The following ERRFI1 variants were observed in gnomAD, a reference collection of about 807,000 sequenced individuals.
ERRFI1 encodes mitogen-inducible gene 6 protein.
ERRFI1 carries 12 observed loss-of-function variants against 14.6 expected under a neutral mutation model. That is an observed-to-expected ratio of 0.82 (90% CI 0.53 to 1.33). ERRFI1 has a LOEUF of 1.33. Among genes scored for constraint, ERRFI1 ranks in the 40% most tolerant of loss-of-function variants. ERRFI1 has a pLI of 0.00. For missense variants in ERRFI1, 482 were observed against 572.1 expected, an observed-to-expected ratio of 0.84 and a Z score of 1.61; for synonymous variants, 202 against 209.9, an observed-to-expected ratio of 0.96 and a Z score of 0.32.
Position 8,013,317 on chromosome 1 carries a change from CA to C in ERRFI1, c.1281del (p.Ala428LeufsTer24). 1 of 1,614,200 alleles carries C rather than the reference CA, an allele frequency of 6.2e-7. No individual in the cohort carries two copies. The highest frequency in any genetic ancestry group is 8.5e-7 in the Non-Finnish European group (1 of 1,180,044). ...GTGGCTGAAGATATACCGCAGTCAG[CA>C]GGTAATGGCTGGATTTGGGCGCCTC... ...TNGGAQIQPL[P>X]ADCGISSATE... is the part of the protein sequence containing the mutation. On this transcript the variant is annotated frameshift_variant, in exon 4 of 4. Transcript: ENST00000377482. LOFTEE classifies it low-confidence loss of function (END_TRUNC). This position sits in a 1 kb window ranked among gnomAD's most constrained non-coding sequence, Gnocchi z 4.3.
intron 3 of ERRFI1, 115 bp downstream of exon 3, chr1:8,015,193 T>C: frequency 3.4e-6 from 3 of 874,352 alleles, no homozygotes; most frequent in Middle Eastern, 2.3e-4. Context: ...GTCAGGCTGT[T>C]GTTGGAAATA....
intron 1 of ERRFI1, among the ~76,000 whole-genome samples, chr1:8,021,420 TAC>T (rs1641272674): frequency 6.6e-6 from 1 of 152,214 alleles, no homozygotes; most frequent in Non-Finnish European, 1.5e-5. Flanking sequence ...GTATTTCTCC[TAC>T]AGAGTAGCAC....
intron 1 of ERRFI1, among the ~76,000 whole-genome samples, chr1:8,021,282 G>C (rs1641271160): frequency 6.6e-6 from 1 of 152,084 alleles, no homozygotes; most frequent in Non-Finnish European, 1.5e-5. Flanking sequence ...TTTAAAAAAT[G>C]GTAAACTAAC....
In ERRFI1 at chr1:8,015,115, A is replaced by T. The variant is rs900124152; in HGVS notation, c.202+193T>A. On this transcript the variant is annotated intron_variant, in intron 3 of 3. Coordinates refer to ENST00000377482, the MANE Select transcript of ERRFI1 (RefSeq NM_018948.4). Reference sequence around the variant, plus strand: ...TCCTACTTAGCAATCAGTGACTCAGAATGAAGGCAGTCGAGTACAATAGCT... The same window carrying T: ...TCCTACTTAGCAATCAGTGACTCAGTATGAAGGCAGTCGAGTACAATAGCT... 56 of 579,788 alleles carry T rather than the reference A, an allele frequency of 9.7e-5. No individual in the cohort carries two copies. The South Asian group carries it at 1.1e-3, about 12-fold the overall frequency. 35.9% of individuals were successfully genotyped at this position (579,788 alleles called of 1,614,324 possible).
intron 1 of ERRFI1, among the ~76,000 whole-genome samples, chr1:8,022,765 T>C (rs888512296): frequency 7.9e-5 from 12 of 152,226 alleles, no homozygotes; most frequent in Admixed American, 2.6e-4. Flanking sequence ...ACTCAACTCA[T>C]AGTGCTCATT....
rs539197224 is a variant in ERRFI1, at chr1:8,024,554, T to C, written c.-74+1604A>G. On this transcript the variant is annotated intron_variant, in intron 1 of 3. Coordinates refer to ENST00000377482, the MANE Select transcript of ERRFI1 (RefSeq NM_018948.4). ...GCAGAGTGCCTACCCTTAAGGAGTT[T>C]ACAATCTAATATATCTGTCAGGTTA... Among the ~76,000 whole-genome samples the C allele has an allele frequency of 3.3e-5, 5 of 152,348 alleles. No individual in the cohort carries two copies. In the South Asian group the frequency reaches 1.0e-3, roughly 32 times the overall value.
At position 8,013,162 on chromosome 1, in the gene ERRFI1, A is replaced by G. The variant is rs1215305836; in HGVS notation, c.*48T>C. On this transcript the variant is annotated 3_prime_UTR_variant, in exon 4 of 4. Transcript: ENST00000377482. This position sits in a 1 kb window ranked among gnomAD's most constrained non-coding sequence, Gnocchi z 4.3. ...GCACTTCAATCAAACTGGAAAATTGAGAACCATTTGCTCCTATGTAACCTC... is the reference window on the plus strand; with the variant it reads ...GCACTTCAATCAAACTGGAAAATTGGGAACCATTTGCTCCTATGTAACCTC... The G allele has an allele frequency of 6.7e-7, 1 of 1,483,842 alleles. No homozygotes were observed. The allele number at this position is 1,483,842 out of a possible 1,614,324, so 91.9% of individuals were successfully genotyped here.
Position 8,013,982 on chromosome 1 carries a change from T to C in ERRFI1, c.617A>G (p.Gln206Arg). 6.2e-7 allele frequency: 1 copy of C among 1,614,206 alleles called. No individual in the cohort carries two copies. The highest frequency in any genetic ancestry group is 1.1e-5 in the South Asian group (1 of 91,086). The change falls in exon 4 of 4, where the codon CAA (glutamine) becomes CGA (arginine). Residue 206 changes from glutamine (Q) to arginine (R), a missense_variant. Physicochemically the swap from Gln to Arg is conservative, Grantham distance 43. Transcript: ENST00000377482. This position sits in a 1 kb window ranked among gnomAD's most constrained non-coding sequence, Gnocchi z 4.3. ...PGRRSFRGCG[Q>R]INYAYFDTPA... ...GGTATCAAAATATGCATAGTTGATT[T>C]GTCCACACCCACGGAAGCTTCGCCT...
chr1:8,025,455 G>A (rs763877533), intron 1 of ERRFI1, among the ~76,000 whole-genome samples: 1 of 152,174 alleles, frequency 6.6e-6, no homozygotes, highest in Non-Finnish European at 1.5e-5. Flanking sequence ...AGAGAAGGAA[G>A]AGTTCAGAAC....
chr1:8,025,084 C>T (rs1641325080), intron 1 of ERRFI1, among the ~76,000 whole-genome samples: 2 of 151,520 alleles, frequency 1.3e-5, no homozygotes, highest in Non-Finnish European at 2.9e-5. Context: ...TGACAGTTGC[C>T]TAGAAACCAG....
rs768733609 is a variant in ERRFI1, at chr1:8,013,720, T to C, written c.879A>G (p.Pro293=). ...VPPRVPIPPR[P]VKPDYRRWSA... ...ACCATCTTCTATAATCTGGCTTTAC[T>C]GGTCTAGGAGGTATGGGAACTCTGG... Residue 293 remains proline (P), a synonymous_variant, in exon 4 of 4, where the codon CCA becomes CCG. Coordinates refer to ENST00000377482, the MANE Select transcript of ERRFI1 (RefSeq NM_018948.4). The surrounding 1 kb of genome is among the most constrained non-coding windows in gnomAD (Gnocchi z 4.3). 18 of 1,614,198 alleles carry C rather than the reference T, an allele frequency of 1.1e-5. No individual in the cohort carries two copies. The South Asian group carries it at 2.0e-4, about 18-fold the overall frequency.
chr1:8,014,972 A>T (rs1641152285), intron 3 of ERRFI1: 1 of 270,796 alleles, frequency 3.7e-6, no homozygotes, highest in Non-Finnish European at 7.1e-6. Flanking sequence ...TCAAACATGC[A>T]TTCGATACTA....
chr1:8,017,548 T>C (rs966400322), intron 1 of ERRFI1, among the ~76,000 whole-genome samples: 2 of 152,256 alleles, frequency 1.3e-5, no homozygotes, highest in South Asian at 2.1e-4. Flanking sequence ...AAAATACTGC[T>C]AGCCTCTCCC....
intron 1 of ERRFI1, among the ~76,000 whole-genome samples, chr1:8,025,937 G>GT (rs1360478768): frequency 6.6e-6 from 1 of 151,836 alleles, no homozygotes; most frequent in Non-Finnish European, 1.5e-5. Flanking sequence ...GCCGGGGAGG[G>GT]TCCCGCTCTC....
At chr1:8,018,156 T>C (rs1365834098) in intron 1 of ERRFI1, among the ~76,000 whole-genome samples, 2 of 152,090 alleles carry the variant, frequency 1.3e-5, no homozygotes, top group Non-Finnish European at 2.9e-5. Context: ...TCCTACTTGC[T>C]AGCATGGGAG....
At position 8,012,326 on chromosome 1, in the gene ERRFI1, G is replaced by C; in HGVS notation, c.*884C>G. 1 of 229,382 alleles carries C rather than the reference G, an allele frequency of 4.4e-6. No individual in the cohort carries two copies. Among genetic ancestry groups the C allele is most frequent in the East Asian group, 6.2e-5 (1 of 16,250 alleles). 14.2% of individuals were successfully genotyped at this position (229,382 alleles called of 1,614,324 possible). A position where few individuals can be genotyped will look rare whatever the true frequency, so the allele number is the denominator to read the frequency against. ...ATAACTCTCAATCACATAGCTAATT[G>C]CTTCATTATTTTGTAAAACTGACAT... On this transcript the variant is annotated 3_prime_UTR_variant, in exon 4 of 4. Coordinates refer to ENST00000377482, the MANE Select transcript of ERRFI1 (RefSeq NM_018948.4).
rs1261025055 is a variant in ERRFI1 at position 8,014,236 on chromosome 1, A to C, written c.363T>G (p.Asn121Lys). The C allele has an allele frequency of 6.2e-7, 1 of 1,614,126 alleles. No homozygotes were observed. The highest frequency in any genetic ancestry group is 1.1e-5 in the South Asian group (1 of 91,076). The change falls in exon 4 of 4, where the codon AAT (asparagine) becomes AAG (lysine). Residue 121 changes from asparagine to lysine, a missense_variant. Physicochemically the swap from Asn to Lys is moderately conservative, Grantham distance 94. Coordinates refer to ENST00000377482, the MANE Select transcript of ERRFI1 (RefSeq NM_018948.4). Reference sequence around the variant, plus strand: ...GTGGAGGGGTGGAAGCACAAACCCCATTCACTGTGAGTTTCTTAAAACCAC... The same window carrying C: ...GTGGAGGGGTGGAAGCACAAACCCCCTTCACTGTGAGTTTCTTAAAACCAC... ...VVCGFKKLTVNGVCASTPPLT... is the reference protein window; with the variant it reads ...VVCGFKKLTVKGVCASTPPLT...
chr1:8,013,743 T>A lies in ERRFI1; in HGVS notation c.856A>T (p.Arg286Ter). 6.2e-7 allele frequency: 1 copy of A among 1,614,170 alleles called. No homozygotes were observed. Among genetic ancestry groups the A allele is most frequent in the Non-Finnish European group, 8.5e-7 (1 of 1,180,014 alleles). Residue 286 changes from arginine (R) to a stop codon, truncating the protein, a stop_gained, in exon 4 of 4, where the codon AGA (arginine) becomes TGA (stop). Coordinates refer to ENST00000377482, the MANE Select transcript of ERRFI1 (RefSeq NM_018948.4). LOFTEE classifies it high-confidence loss of function. The surrounding 1 kb of genome is among the most constrained non-coding windows in gnomAD (Gnocchi z 4.3). Reference sequence around the variant, plus strand: ...ACTGGTCTAGGAGGTATGGGAACTCTGGGGGGAACCTCAGGTTTGTCTTCA... The same window carrying A: ...ACTGGTCTAGGAGGTATGGGAACTCAGGGGGGAACCTCAGGTTTGTCTTCA... ...SDEDKPEVPPRVPIPPRPVKP... is the reference protein window; with the variant it reads ...SDEDKPEVPP
At chr1:8,018,066 T>A (rs1450117888) in intron 1 of ERRFI1, among the ~76,000 whole-genome samples, 1 of 152,172 alleles carries the variant, frequency 6.6e-6, no homozygotes. Flanking sequence ...ATAGTGTCTT[T>A]GTGTATTCAT....
Sources: allele counts gnomAD v4.1 joint callset (sites outside exome capture counted in the v4.1 genomes callset), GRCh38; gene constraint gnomAD v4.1.1; non-coding constraint Gnocchi (gnomAD v3.1); transcripts MANE v1.5; gene names NCBI Gene and HGNC (gene_info 2026-07-23, HGNC 2026-07-21).